TMEM38B: variants seen among roughly 807,000 people sequenced by gnomAD.
The protein encoded by TMEM38B is transmembrane protein 38B.
In TMEM38B, 24 loss-of-function variants were observed where a neutral mutation model predicts 28.7. That is an observed-to-expected ratio of 0.84 (90% confidence interval 0.61 to 1.18). The LOEUF is 1.18. Ranked by LOEUF, TMEM38B falls within the 50% of genes most tolerant of loss-of-function variation. The pLI is 0.00. For synonymous variants in TMEM38B, 131 were observed against 127.7 expected (o/e 1.03, Z -0.17); for missense variants, 380 against 350.9 (o/e 1.08, Z -0.66).
chr9:105,714,008 T>A (rs1214930471), intron 2 of TMEM38B, among the ~76,000 whole-genome samples: 1 of 151,698 alleles, frequency 6.6e-6, no homozygotes, highest in Non-Finnish European at 1.5e-5. Flanking sequence ...ACGGAGGAGT[T>A]ACCCTCTCTG....
chr9:105,710,838 C>T (rs915088105), intron 2 of TMEM38B: 1 of 376,914 alleles, frequency 2.7e-6, no homozygotes, highest in African/African-American at 2.1e-5. Context: ...GTCCATGGCT[C>T]TGGCTGCCAA....
chr9:105,721,659 C>T lies in TMEM38B; in HGVS notation c.392C>T (p.Thr131Ile), dbSNP rs1836325204. 6.2e-7 allele frequency: 1 copy of T among 1,613,600 alleles called. No homozygotes were observed. The highest frequency in any genetic ancestry group is 8.5e-7 in the Non-Finnish European group (1 of 1,179,700). Residue 131 changes from threonine (T) to isoleucine (I), a missense_variant, in exon 3 of 6, where the codon ACA (threonine) becomes ATA (isoleucine). By Grantham distance (89) the Thr-to-Ile change is moderately conservative (BLOSUM62 -1). Coordinates refer to ENST00000374692, the MANE Select transcript of TMEM38B (RefSeq NM_018112.3). ...TRTWKIVGGV[T>I]HANSYYKNGW... ...ACTTGGAAAATAGTAGGTGGAGTCACACATGCTAATAGCTATTACAAAAAT... is the reference window on the plus strand; with the variant it reads ...ACTTGGAAAATAGTAGGTGGAGTCATACATGCTAATAGCTATTACAAAAAT...
At chr9:105,770,387 T>A (rs1453659258) in intron 5 of TMEM38B, among the ~76,000 whole-genome samples, 1 of 152,150 alleles carries the variant, frequency 6.6e-6, no homozygotes, top group African/African-American at 2.4e-5. Flanking sequence ...TAATAAATGA[T>A]CAAAATGCTC....
chr9:105,734,893 A>T (rs1836913591), intron 4 of TMEM38B, among the ~76,000 whole-genome samples: 1 of 146,350 alleles, frequency 6.8e-6, no homozygotes, highest in Admixed American at 6.9e-5. Context: ...CAGTTCAACC[A>T]TTATATATCT....
intron 1 of TMEM38B, among the ~76,000 whole-genome samples, chr9:105,697,132 A>G (rs779634964): frequency 6.6e-6 from 1 of 152,214 alleles, no homozygotes; most frequent in Non-Finnish European, 1.5e-5. Flanking sequence ...GGACAGACAC[A>G]TACAGTCATT....
intron 2 of TMEM38B, among the ~76,000 whole-genome samples, chr9:105,716,392 A>G (rs9697174): frequency 0.43 from 64,478 of 151,350 alleles, 15,785 homozygotes; most frequent in African/African-American, 0.67. Context: ...GTGTGTGTGT[A>G]TATTTCCAAA....
intron 1 of TMEM38B, among the ~76,000 whole-genome samples, chr9:105,704,692 G>A (rs1835590796): frequency 1.3e-5 from 2 of 152,060 alleles, no homozygotes; most frequent in African/African-American, 4.8e-5. Flanking sequence ...TTGGGAGGCC[G>A]AGGTGGGTGG....
At chr9:105,707,445 T>G (rs1182591958) in intron 2 of TMEM38B, among the ~76,000 whole-genome samples, 1 of 152,152 alleles carries the variant, frequency 6.6e-6, no homozygotes, top group African/African-American at 2.4e-5. Context: ...AAGCAGAAAC[T>G]GTTTTCTGTT....
At chr9:105,760,175 T>C in intron 5 of TMEM38B, 6 of 916,208 alleles carry the variant, frequency 6.5e-6, no homozygotes, top group Non-Finnish European at 1.1e-5. Context: ...CTTCAACTTT[T>C]AATGCGTATG....
intron 4 of TMEM38B, among the ~76,000 whole-genome samples, chr9:105,741,052 C>T (rs1837185732): frequency 1.3e-5 from 2 of 152,104 alleles, no homozygotes; most frequent in South Asian, 4.2e-4. Context: ...GGACGGAATG[C>T]AGTCACATGT....
intron 4 of TMEM38B, among the ~76,000 whole-genome samples, chr9:105,723,200 T>G (rs1266237650): frequency 6.6e-6 from 1 of 152,060 alleles, no homozygotes; most frequent in African/African-American, 2.4e-5. Context: ...TAAGATAATC[T>G]GTTCTCTGAA....
intron 2 of TMEM38B, among the ~76,000 whole-genome samples, chr9:105,708,688 ACTTT>A (rs879773879): frequency 6.6e-6 from 1 of 152,006 alleles, no homozygotes; most frequent in Admixed American, 6.6e-5. Flanking sequence ...ATGCCTTTGT[ACTTT>A]CTTTCTTCTC....
At chr9:105,765,255 A>G (rs1826330864) in intron 5 of TMEM38B, among the ~76,000 whole-genome samples, 1 of 152,236 alleles carries the variant, frequency 6.6e-6, no homozygotes, top group South Asian at 2.1e-4. Context: ...GCTTTAGCAA[A>G]GTAGCATTTA....
At chr9:105,734,988 G>A (rs1203145300) in intron 4 of TMEM38B, among the ~76,000 whole-genome samples, 2 of 148,702 alleles carry the variant, frequency 1.3e-5, no homozygotes, top group Non-Finnish European at 3.0e-5. Flanking sequence ...TGTTTATTTT[G>A]TAGATCCTTT....
In TMEM38B at chr9:105,707,566, A is replaced by G. The variant is rs145081371; in HGVS notation, c.269+1813A>G. Among the ~76,000 whole-genome samples, 6 of 152,334 alleles carry G rather than the reference A, an allele frequency of 3.9e-5. No homozygotes were observed. The East Asian group carries it at 9.6e-4, about 24-fold the overall frequency. On this transcript the variant is annotated intron_variant, in intron 2 of 5. Coordinates refer to ENST00000374692, the MANE Select transcript of TMEM38B (RefSeq NM_018112.3). ...TAAAAGGGATATTACAAATAATAGT[A>G]GCAATGGGAAAAAGTAATCCTGGGA...
chr9:105,696,185 T>TA (rs1205935284), intron 1 of TMEM38B, among the ~76,000 whole-genome samples: 1 of 152,260 alleles, frequency 6.6e-6, no homozygotes, highest in Non-Finnish European at 1.5e-5. Flanking sequence ...AACAGTTTTC[T>TA]ATTTGAAGCC....
intron 4 of TMEM38B, among the ~76,000 whole-genome samples, chr9:105,731,103 C>T (rs529741794): frequency 2.4e-4 from 37 of 151,996 alleles, no homozygotes; most frequent in South Asian, 2.1e-4. Context: ...TTGCCTTCTG[C>T]TAGCTTTTGA....
At chr9:105,741,903 T>A (rs995701294) in intron 4 of TMEM38B, among the ~76,000 whole-genome samples, 1 of 152,174 alleles carries the variant, frequency 6.6e-6, no homozygotes, top group Non-Finnish European at 1.5e-5. Context: ...CTTTTCCTAG[T>A]GTTGAAGGGA....
At chr9:105,731,043 GT>G (rs1224153954) in intron 4 of TMEM38B, among the ~76,000 whole-genome samples, 2 of 151,994 alleles carry the variant, frequency 1.3e-5, no homozygotes, top group Non-Finnish European at 2.9e-5. Flanking sequence ...TTTTTGAAGG[GT>G]TTTTTGTGTC....
Sources: gnomAD v4.1 joint callset for allele counts (sites outside exome capture counted in the v4.1 genomes callset) on GRCh38, gnomAD v4.1.1 for gene constraint, MANE v1.5 for transcripts, NCBI Gene and HGNC (gene_info 2026-07-23, HGNC 2026-07-21) for gene names.